The following WDR12 variants were observed in gnomAD, a reference collection of about 807,000 sequenced individuals.
WDR12 encodes ribosome biogenesis protein WDR12.
Under a neutral mutation model 64.3 loss-of-function variants are expected in WDR12, and 42 were observed. That is an observed-to-expected ratio of 0.65 (90% confidence interval 0.51 to 0.84). The LOEUF is 0.84. Ranked by LOEUF, WDR12 falls within the 40% of genes least tolerant of loss-of-function variation. WDR12 has a pLI of 0.00. For missense variants in WDR12, 469 were observed against 494.6 expected, an observed-to-expected ratio of 0.95 and a Z score of 0.49; for synonymous variants, 158 against 173.3, an observed-to-expected ratio of 0.91 and a Z score of 0.70.
intron 8 of WDR12, among the ~76,000 whole-genome samples, chr2:202,885,528 GCA>G: frequency 6.6e-6 from 1 of 152,286 alleles, no homozygotes; most frequent in South Asian, 2.1e-4. Context: ...ATAGGTTTCA[GCA>G]CCTTCACACA....
chr2:202,897,275 C>T, intron 5 of WDR12, 25 bp downstream of exon 5: 1 of 1,533,174 alleles, frequency 6.5e-7, no homozygotes, highest in Non-Finnish European at 8.9e-7. Flanking sequence ...TAGGATTCCT[C>T]TAAGTGTAGG....
intron 6 of WDR12, among the ~76,000 whole-genome samples, chr2:202,895,731 T>C (rs528841599): frequency 7.4e-5 from 11 of 149,402 alleles, no homozygotes; most frequent in Non-Finnish European, 1.5e-4. Flanking sequence ...GGTTTCTCCA[T>C]GTGGGTCAGG....
chr2:202,890,996 TAAAAAAA>T (rs71030997), intron 8 of WDR12, among the ~76,000 whole-genome samples: 7 of 111,178 alleles, frequency 6.3e-5, no homozygotes, highest in Admixed American at 1.1e-4. Context: ...TTTGTCTCTT[TAAAAAAA>T]AAAAAAAAAA....
At chr2:202,891,709 C>T (rs1228058856) in intron 8 of WDR12, among the ~76,000 whole-genome samples, 1 of 152,122 alleles carries the variant, frequency 6.6e-6, no homozygotes, top group Non-Finnish European at 1.5e-5. Context: ...GCTTTATTTA[C>T]TGCACATTCA....
intron 3 of WDR12, 82 bp downstream of exon 3, chr2:202,900,943 T>G: frequency 9.1e-7 from 1 of 1,096,572 alleles, no homozygotes; most frequent in South Asian, 1.6e-5. Flanking sequence ...AAAGATAGAT[T>G]CAGTGTGATT....
chr2:202,889,646 A>G (rs1426055388), intron 8 of WDR12, among the ~76,000 whole-genome samples: 1 of 151,534 alleles, frequency 6.6e-6, no homozygotes, highest in African/African-American at 2.4e-5. Context: ...CAGGCATGGT[A>G]GCTCACGCCC....
chr2:202,897,982 A>C (rs542421625), intron 4 of WDR12, among the ~76,000 whole-genome samples: 1 of 147,040 alleles, frequency 6.8e-6, no homozygotes, highest in African/African-American at 2.5e-5. Context: ...TAGGTGTATA[A>C]GCTGTATATG....
chr2:202,881,314 T>A (rs1687944533), intron 12 of WDR12, among the ~76,000 whole-genome samples: 1 of 152,228 alleles, frequency 6.6e-6, no homozygotes, highest in Non-Finnish European at 1.5e-5. Flanking sequence ...GGCCTTATAT[T>A]TGGAAAGAAT....
At chr2:202,910,684 T>G (rs954010836) in intron 1 of WDR12, among the ~76,000 whole-genome samples, 1 of 152,184 alleles carries the variant, frequency 6.6e-6, no homozygotes, top group South Asian at 2.1e-4. Flanking sequence ...TGTAAGTAAG[T>G]ACATATACTC....
intron 8 of WDR12, among the ~76,000 whole-genome samples, chr2:202,889,942 C>A (rs767389067): frequency 1.3e-5 from 2 of 151,546 alleles, no homozygotes; most frequent in Non-Finnish European, 2.9e-5. Context: ...ATAGCCTGAG[C>A]GTATTGGCTC....
chr2:202,881,688 A>G (rs1198983980), intron 12 of WDR12, among the ~76,000 whole-genome samples: 1 of 152,070 alleles, frequency 6.6e-6, no homozygotes, highest in Non-Finnish European at 1.5e-5. Context: ...GGCTAGGGCA[A>G]GAGGATCACC....
chr2:202,898,786 C>T (rs1688296751), intron 4 of WDR12, among the ~76,000 whole-genome samples: 1 of 151,896 alleles, frequency 6.6e-6, no homozygotes, highest in South Asian at 2.1e-4. Context: ...GCAACATAAT[C>T]GAACCAAATA....
rs1341669221 is a variant in WDR12 at position 202,878,890 on chromosome 2, AAC to A, written c.*1968_*1969del. 1 of 152,264 alleles carries A rather than the reference AAC, an allele frequency of 6.6e-6. No individual in the cohort carries two copies. Among genetic ancestry groups the A allele is most frequent in the African/African-American group, 2.4e-5 (1 of 41,468 alleles). 9.4% of individuals were successfully genotyped at this position (152,264 alleles called of 1,614,324 possible). A position where few individuals can be genotyped will look rare whatever the true frequency, so the allele number is the denominator to read the frequency against. On this transcript the variant is annotated 3_prime_UTR_variant, in exon 13 of 13. Transcript: ENST00000261015. ...ACATTTACTTTAAATATTTTTATATAACACATGCATAAAGATAAATGCTAATG... is the reference window on the plus strand; with the variant it reads ...ACATTTACTTTAAATATTTTTATATAACATGCATAAAGATAAATGCTAATG...
chr2:202,905,252 TCTC>T (rs1377240506), intron 2 of WDR12, among the ~76,000 whole-genome samples: 1 of 152,196 alleles, frequency 6.6e-6, no homozygotes, highest in Non-Finnish European at 1.5e-5. Flanking sequence ...TTCAAGCAAT[TCTC>T]CTGCTTCAGC....
chr2:202,882,964 C>A, intron 11 of WDR12, 181 bp from the exon 12 acceptor site: 3 of 508,624 alleles, frequency 5.9e-6, no homozygotes, highest in Non-Finnish European at 1.0e-5. Context: ...CATTGGTAGA[C>A]CACAGACATT....
In WDR12 at chr2:202,876,613, G is replaced by C. The variant is rs956520952; in HGVS notation, c.*4247C>G. ...TAAAATGTCATATTTTTTCCTTTAA[G>C]AATAGGAGCCATAGTAATATCTATT... is the stretch of plus-strand genomic sequence containing the variant. On this transcript the variant is annotated 3_prime_UTR_variant, in exon 13 of 13. Coordinates refer to ENST00000261015, the MANE Select transcript of WDR12 (RefSeq NM_018256.4). 13 of 152,172 alleles carry C rather than the reference G, an allele frequency of 8.5e-5. No individual in the cohort carries two copies. Among genetic ancestry groups the C allele is most frequent in the Non-Finnish European group, 1.6e-4 (11 of 68,016 alleles). 9.4% of individuals were successfully genotyped at this position (152,172 alleles called of 1,614,324 possible). A position where few individuals can be genotyped will look rare whatever the true frequency, so the allele number is the denominator to read the frequency against.
At position 202,879,120 on chromosome 2, in the gene WDR12, T is replaced by A. The variant is rs930589854; in HGVS notation, c.*1740A>T. 2 of 152,084 alleles carry A rather than the reference T, an allele frequency of 1.3e-5. No homozygotes were observed. The highest frequency in any genetic ancestry group is 2.4e-5 in the African/African-American group (1 of 41,390). 9.4% of individuals were successfully genotyped at this position (152,084 alleles called of 1,614,324 possible). A position where few individuals can be genotyped will look rare whatever the true frequency, so the allele number is the denominator to read the frequency against. ...ATCTCAGCTCACTGCAACCTCTGCC[T>A]CTCGGGTTCAAGCAATTTGCCTGCC... On this transcript the variant is annotated 3_prime_UTR_variant, in exon 13 of 13. Coordinates refer to ENST00000261015, the MANE Select transcript of WDR12 (RefSeq NM_018256.4).
intron 2 of WDR12, among the ~76,000 whole-genome samples, chr2:202,903,448 G>GAAGGAAGA (rs1233219471): frequency 4.6e-4 from 2 of 4,378 alleles, no homozygotes; most frequent in African/African-American, 5.2e-4. Flanking sequence ...CAATCAGATG[G>GAAGGAAGA]AAGGAAGGAA....
chr2:202,897,842 T>C (rs187168685), intron 4 of WDR12, among the ~76,000 whole-genome samples: 6 of 135,114 alleles, frequency 4.4e-5, no homozygotes, highest in East Asian at 2.2e-4. Context: ...TGAGCCGAGA[T>C]TGCGCCACTG....
Sources: allele counts gnomAD v4.1 joint callset (sites outside exome capture counted in the v4.1 genomes callset), GRCh38; gene constraint gnomAD v4.1.1; transcripts MANE v1.5; gene names NCBI Gene and HGNC (gene_info 2026-07-23, HGNC 2026-07-21).